The following GET1 variants were observed in gnomAD, a reference collection of about 807,000 sequenced individuals.
GET1 encodes the protein guided entry of tail-anchored proteins factor 1, also known as congenital heart disease 5 protein.
In GET1, 20 loss-of-function variants were observed where a neutral mutation model predicts 22.6. The ratio of observed to expected loss-of-function variants is 0.89; its 90% CI spans 0.62 to 1.29. The LOEUF (loss-of-function observed/expected upper bound fraction) is 1.29. Among genes scored for constraint, GET1 ranks in the 50% most tolerant of loss-of-function variants. The pLI, the probability that GET1 is intolerant of heterozygous loss-of-function variation, is 0.00. For missense variants in GET1, 209 were observed against 219.9 expected (o/e 0.95, Z 0.31); for synonymous variants, 92 against 83.8 (o/e 1.10, Z -0.53).
At chr21:39,425,735 AC>A (rs2074569498) in intron 1 of GET1, 1 of 152,322 alleles carries the variant, frequency 6.6e-6, no homozygotes, top group Non-Finnish European at 1.5e-5. Context: ...ACTGAACCTG[AC>A]CCCCAACTTG....
exon 2 of GET1, chr21:39,428,493 T>C (rs1488359176): frequency 1.9e-6 from 3 of 1,542,962 alleles, no homozygotes; most frequent in South Asian, 1.3e-5. Context: ...GCCAAAGACA[T>C]AGCAAACAAC....
intron 1 of GET1, among the ~76,000 whole-genome samples, chr21:39,385,240 G>A (rs942260994): frequency 3.3e-5 from 5 of 152,144 alleles, no homozygotes; most frequent in African/African-American, 9.7e-5. Flanking sequence ...CGTCTTAGCA[G>A]AAGTTAGGGA....
downstream of GET1, chr21:39,410,074 A>G: frequency 6.2e-7 from 1 of 1,610,756 alleles, no homozygotes; most frequent in South Asian, 1.1e-5. Flanking sequence ...TTTATGATCG[A>G]TGTTTCCTGT....
chr21:39,381,573 T>C (rs1234526290), intron 1 of GET1, among the ~76,000 whole-genome samples: 2 of 152,328 alleles, frequency 1.3e-5, no homozygotes, highest in East Asian at 3.9e-4. Context: ...TGCTATCCAG[T>C]CTTTAAGATG....
At chr21:39,382,121 C>A (rs571180072) in intron 1 of GET1, among the ~76,000 whole-genome samples, 84 of 150,742 alleles carry the variant, frequency 5.6e-4, no homozygotes, top group South Asian at 1.7e-3. Context: ...GTGGCCTGAT[C>A]TTGGCTCACT....
At chr21:39,402,989 G>A (rs1385675983) in intron 4 of GET1, among the ~76,000 whole-genome samples, 1 of 152,116 alleles carries the variant, frequency 6.6e-6, no homozygotes, top group African/African-American at 2.4e-5. Context: ...TCTAAATATA[G>A]CTCTGATTTA....
chr21:39,389,557 C>T (rs565460248), intron 1 of GET1, among the ~76,000 whole-genome samples: 36 of 152,314 alleles, frequency 2.4e-4, no homozygotes, highest in African/African-American at 7.7e-4. Flanking sequence ...GTCCACCGCC[C>T]ACTGTTACCC....
downstream of GET1, chr21:39,410,218 T>A (rs760460832): frequency 1.5e-6 from 2 of 1,308,302 alleles, no homozygotes; most frequent in Non-Finnish European, 2.2e-6. Flanking sequence ...CTATTTTTGT[T>A]AAGACATGTT....
In GET1 at chr21:39,390,747, C is replaced by T. The variant is rs148828044; in HGVS notation, c.152C>T (p.Ala51Val). Reference protein sequence around the residue: ...KDAEQESQMRAEIQDMKQELS... With the variant: ...KDAEQESQMRVEIQDMKQELS... ...GCGGAGCAGGAGTCACAGATGAGAG[C>T]GGAGATCCAGGACATGAAGCAGGAG... The change falls in exon 2 of 5, where the codon GCG becomes GTG. Residue 51 changes from alanine (A) to valine (V), a missense_variant. Physicochemically the swap from Ala to Val is moderately conservative, Grantham distance 64. Coordinates refer to ENST00000649170, the MANE Select transcript of GET1 (RefSeq NM_004627.6). The T allele has an allele frequency of 3.4e-5, 55 of 1,613,968 alleles. No homozygotes were observed. The highest frequency in any genetic ancestry group is 6.7e-5 in the African/African-American group (5 of 74,882).
At chr21:39,406,430 C>A (rs780983256) in exon 5 of GET1, 1 of 1,614,134 alleles carries the variant, frequency 6.2e-7, no homozygotes, top group Non-Finnish European at 8.5e-7. Context: ...TTTTCTCTTA[C>A]TAGAACATCT....
In GET1 at chr21:39,391,800, A is replaced by G; in HGVS notation, c.300A>G (p.Ile100Met). 6.2e-7 allele frequency: 1 copy of G among 1,614,204 alleles called. No individual in the cohort carries two copies. The highest frequency in any genetic ancestry group is 1.1e-5 in the South Asian group (1 of 91,084). The change falls in exon 3 of 5, where the codon ATA (isoleucine) becomes ATG (methionine). Residue 100 changes from isoleucine to methionine, a missense_variant. By Grantham distance (10) the Ile-to-Met change is conservative. Transcript: ENST00000649170. ...VKARTAQLAK[I>M]KWVISVAFYV... is the part of the protein sequence containing the mutation. ...CTCGGACAGCTCAATTAGCCAAGAT[A>G]AAATGGGTGATAAGTGTCGCTTTCT...
chr21:39,401,795 G>A (rs1354947269), downstream of GET1, among the ~76,000 whole-genome samples: 2 of 151,978 alleles, frequency 1.3e-5, no homozygotes, highest in Non-Finnish European at 1.5e-5. Flanking sequence ...ATATTTTTTC[G>A]TTATTATATG....
Position 39,380,350 on chromosome 21 carries a change from C to T in GET1, c.-35C>T. ...TGTTGTTGTGGTCCCCATGGAGCTG[C>T]CGTAGCGGACCCAGCACAGCCAGGA... On this transcript the variant is annotated 5_prime_UTR_variant, in exon 1 of 5. Transcript: ENST00000649170. The T allele has an allele frequency of 6.4e-7, 1 of 1,569,894 alleles. No individual in the cohort carries two copies.
At chr21:39,400,274 C>G (rs1195257440), downstream of GET1, among the ~76,000 whole-genome samples, 1 of 152,238 alleles carries the variant, frequency 6.6e-6, no homozygotes, top group African/African-American at 2.4e-5. Flanking sequence ...CCATCCTCAT[C>G]TGAGCATTTA....
In GET1 at chr21:39,423,281, G is replaced by A. The variant is rs372477670; in HGVS notation, c.*24-4951G>A. On this transcript the variant is annotated intron_variant, in intron 1 of 1. Coordinates refer to the GET1 transcript ENST00000478273. ...ATAGCTTTCAAATGCCTAAGCTGAA[G>A]TTGTTTCAAAAATTGGTTTTCTGTA... The A allele has an allele frequency of 1.3e-5, 21 of 1,609,160 alleles. No homozygotes were observed. The African/African-American group carries it at 1.6e-4, about 12-fold the overall frequency.
At chr21:39,389,262 G>A (rs1383548779) in intron 1 of GET1, among the ~76,000 whole-genome samples, 1 of 152,002 alleles carries the variant, frequency 6.6e-6, no homozygotes, top group African/African-American at 2.4e-5. Flanking sequence ...ATGAGACACC[G>A]AACCTGGCCT....
intron 1 of GET1, among the ~76,000 whole-genome samples, chr21:39,385,720 C>T (rs1275347323): frequency 6.6e-6 from 1 of 151,720 alleles, no homozygotes; most frequent in African/African-American, 2.4e-5. Flanking sequence ...GGCCCGGGCT[C>T]AAGGTCCGTG....
downstream of GET1, chr21:39,409,854 A>G (rs2039783757): frequency 2.0e-5 from 12 of 605,742 alleles, no homozygotes; most frequent in Non-Finnish European, 3.4e-5. The surrounding 1 kb of genome is among the most constrained non-coding windows in gnomAD (Gnocchi z 4.2). Context: ...TTGGCCTCCC[A>G]AAGTGCTGGG....
chr21:39,382,146 C>T (rs2037591855), intron 1 of GET1, among the ~76,000 whole-genome samples: 1 of 151,772 alleles, frequency 6.6e-6, no homozygotes, highest in Non-Finnish European at 1.5e-5. Context: ...CCTCCACCTT[C>T]CAGGTTCAAG....
Sources: allele counts gnomAD v4.1 joint callset (sites outside exome capture counted in the v4.1 genomes callset), GRCh38; gene constraint gnomAD v4.1.1; non-coding constraint Gnocchi (gnomAD v3.1); transcripts MANE v1.5; gene names NCBI Gene and HGNC (gene_info 2026-07-23, HGNC 2026-07-21).